The following ACAD9 variants were observed in gnomAD, a reference collection of about 807,000 sequenced individuals.
The protein encoded by ACAD9 is complex I assembly factor ACAD9, mitochondrial.
ACAD9 carries 53 observed loss-of-function variants against 70.2 expected under a neutral mutation model. The observed-to-expected ratio is 0.75, with a 90% confidence interval of 0.61 to 0.95. The LOEUF (loss-of-function observed/expected upper bound fraction) is 0.95, where lower values mean the gene tolerates loss of function less well. Among genes scored for constraint, ACAD9 ranks in the 40% least tolerant of loss-of-function variants. The probability of loss-of-function intolerance (pLI) is 0.00; values close to 1 mark genes in which losing one functional copy is unlikely to be tolerated. For synonymous variants in ACAD9, 313 were observed against 312.1 expected (o/e 1.00, Z -0.03); for missense variants, 777 against 802.8 (o/e 0.97, Z 0.39).
At chr3:128,880,456 G>T (rs1272093061) in intron 1 of ACAD9, among the ~76,000 whole-genome samples, 1 of 152,104 alleles carries the variant, frequency 6.6e-6, no homozygotes, top group Non-Finnish European at 1.5e-5. Flanking sequence ...TTGTCGCCCA[G>T]GCTGGAGTGC....
At chr3:128,903,967 C>G in intron 9 of ACAD9, 95 bp from the exon 10 acceptor site, 1 of 1,306,598 alleles carries the variant, frequency 7.7e-7, no homozygotes, top group Non-Finnish European at 1.1e-6. Context: ...CTCACAGTGC[C>G]CACCTGTGGG....
In ACAD9 at chr3:128,902,438, T is replaced by C. The variant is rs576825159; in HGVS notation, c.883-115T>C. On this transcript the variant is annotated intron_variant, in intron 8 of 17. Transcript: ENST00000308982. This position sits in a 1 kb window ranked among gnomAD's most constrained non-coding sequence, Gnocchi z 4.0. ...ACCACCTTGTTCTGAGGCATTAGGATGGTGCTTTCTCCCAGCTTGAGGGAA... is the reference window on the plus strand; with the variant it reads ...ACCACCTTGTTCTGAGGCATTAGGACGGTGCTTTCTCCCAGCTTGAGGGAA... 3 of 954,374 alleles carry C rather than the reference T, an allele frequency of 3.1e-6. No individual in the cohort carries two copies. The highest frequency in any genetic ancestry group is 5.1e-6 in the Non-Finnish European group (3 of 584,748). The allele number at this position is 954,374 out of a possible 1,614,324, so 59.1% of individuals were successfully genotyped here.
chr3:128,908,157 C>T, intron 12 of ACAD9, 28 bp from the exon 13 acceptor site: 1 of 1,611,458 alleles, frequency 6.2e-7, no homozygotes. Context: ...CGGGGGGCAG[C>T]CTTTGACCTC....
chr3:128,896,305 G>A (rs984143500), intron 4 of ACAD9, 131 bp from the exon 5 acceptor site: 10 of 1,004,852 alleles, frequency 1.0e-5, no homozygotes, highest in Admixed American at 2.0e-5. Flanking sequence ...GCCTGTGGCC[G>A]CTTGCTCTGA....
chr3:128,910,355 G>A (rs774669543), intron 16 of ACAD9: 2 of 1,466,586 alleles, frequency 1.4e-6, no homozygotes, highest in Non-Finnish European at 1.8e-6. Context: ...GGGGGTGAGT[G>A]ACAGGGGTTC....
Position 128,909,033 on chromosome 3 carries a change from C to G in ACAD9, c.1419C>G (p.Asp473Glu), listed in dbSNP as rs143991763. ...ATACCGTTGGCCGGAGGCTTCGGGA[C>G]TCCCTGGGCCGAACTGTGGACCTGG... ...VMDTVGRRLR[D>E]SLGRTVDLGL... The change falls in exon 14 of 18, where the codon GAC becomes GAG. Residue 473 changes from aspartate to glutamate, a missense_variant. Coordinates refer to ENST00000308982, the MANE Select transcript of ACAD9 (RefSeq NM_014049.5). 3.1e-6 allele frequency: 5 copies of G among 1,614,042 alleles called. No homozygotes were observed. In the African/African-American group the frequency reaches 6.7e-5, roughly 22 times the overall value.
intron 2 of ACAD9, among the ~76,000 whole-genome samples, chr3:128,885,616 C>G (rs950033014): frequency 3.9e-5 from 6 of 152,200 alleles, no homozygotes; most frequent in African/African-American, 1.4e-4. Context: ...CTGGTCTCTA[C>G]TCCTAGGCTC....
At chr3:128,910,421 T>C in intron 16 of ACAD9, 1 of 1,324,884 alleles carries the variant, frequency 7.5e-7, no homozygotes, top group East Asian at 2.5e-5. Flanking sequence ...TTGCCCGCTG[T>C]GCTGGAGGGA....
chr3:128,895,940 C>T (rs757531089), intron 4 of ACAD9, among the ~76,000 whole-genome samples: 11 of 152,212 alleles, frequency 7.2e-5, no homozygotes, highest in African/African-American at 1.2e-4. Context: ...CACATTCATG[C>T]AGATGTTTAG....
At chr3:128,893,849 T>C (rs546065319) in intron 3 of ACAD9, among the ~76,000 whole-genome samples, 193 bp downstream of exon 3, 37 of 152,322 alleles carry the variant, frequency 2.4e-4, no homozygotes, top group African/African-American at 7.9e-4. Flanking sequence ...CACAGAGGAA[T>C]GAGGCATGTG....
At chr3:128,897,572 C>T in intron 5 of ACAD9, 60 bp from the exon 6 acceptor site, 1 of 1,527,498 alleles carries the variant, frequency 6.5e-7, no homozygotes. Flanking sequence ...TTCAGGCCCT[C>T]AAAAGCATTC....
rs765999383 is a variant in ACAD9 at position 128,913,106 on chromosome 3, G to A, written c.*499G>A. 34 of 450,610 alleles carry A rather than the reference G, an allele frequency of 7.5e-5. No individual in the cohort carries two copies. The highest frequency in any genetic ancestry group is 3.4e-4 in the African/African-American group (17 of 50,064). The allele number at this position is 450,610 out of a possible 1,614,324, so 27.9% of individuals were successfully genotyped here. On this transcript the variant is annotated 3_prime_UTR_variant, in exon 18 of 18. Transcript: ENST00000308982. Reference sequence around the variant, plus strand: ...AAGAATATAAAATGTCACAATCTGTGTACTGTTAGCCTTTGCTGTACTTGT... The same window carrying A: ...AAGAATATAAAATGTCACAATCTGTATACTGTTAGCCTTTGCTGTACTTGT...
rs1384602511 is a variant in ACAD9 at position 128,910,423 on chromosome 3, C to T, written c.1692+274C>T. Reference sequence around the variant, plus strand: ...CAGACCCTGCACATTGCCCGCTGTGCTGGAGGGAGGCGGGTGCAGTCTCTG... The same window carrying T: ...CAGACCCTGCACATTGCCCGCTGTGTTGGAGGGAGGCGGGTGCAGTCTCTG... On this transcript the variant is annotated intron_variant, in intron 16 of 17. Coordinates refer to ENST00000308982, the MANE Select transcript of ACAD9 (RefSeq NM_014049.5). The T allele has an allele frequency of 6.8e-6, 9 of 1,324,438 alleles. No individual in the cohort carries two copies. The African/African-American group carries it at 1.2e-4, about 17-fold the overall frequency. 82.0% of individuals were successfully genotyped at this position (1,324,438 alleles called of 1,614,324 possible). A position where few individuals can be genotyped will look rare whatever the true frequency, so the allele number is the denominator to read the frequency against.
chr3:128,898,811 T>A (rs1177335220), intron 6 of ACAD9, among the ~76,000 whole-genome samples: 8 of 152,222 alleles, frequency 5.3e-5, no homozygotes, highest in African/African-American at 1.9e-4. Context: ...TGTTGCTGTT[T>A]GTTAAGGAGT....
chr3:128,890,717 G>C (rs1364957904), intron 2 of ACAD9, among the ~76,000 whole-genome samples: 1 of 151,888 alleles, frequency 6.6e-6, no homozygotes, highest in Non-Finnish European at 1.5e-5. Flanking sequence ...AAACTGTATA[G>C]TTTTAATTCA....
At chr3:128,881,067 C>G (rs998190416) in intron 1 of ACAD9, among the ~76,000 whole-genome samples, 1 of 152,170 alleles carries the variant, frequency 6.6e-6, no homozygotes, top group Non-Finnish European at 1.5e-5. Flanking sequence ...TGGAACGTTC[C>G]TCTGAGGTTG....
chr3:128,883,791 AAGC>A (rs1351507324), intron 1 of ACAD9, among the ~76,000 whole-genome samples: 2 of 152,132 alleles, frequency 1.3e-5, no homozygotes, highest in African/African-American at 4.8e-5. Context: ...AGAGAGGAGA[AAGC>A]AGTGCGAGCA....
At chr3:128,887,474 G>T (rs574195417) in intron 2 of ACAD9, among the ~76,000 whole-genome samples, 1 of 151,658 alleles carries the variant, frequency 6.6e-6, no homozygotes, top group Non-Finnish European at 1.5e-5. Context: ...GGGCATGGTG[G>T]TGCGCGCCCA....
At chr3:128,879,925 A>G (rs1559816037) in intron 1 of ACAD9, 84 bp downstream of exon 1, 2 of 1,605,776 alleles carry the variant, frequency 1.2e-6, no homozygotes, top group African/African-American at 2.7e-5. Context: ...ACTTTGTGAG[A>G]TTCCCCAAAC....
Sources: gnomAD v4.1 joint callset for allele counts (sites outside exome capture counted in the v4.1 genomes callset) on GRCh38, gnomAD v4.1.1 for gene constraint, Gnocchi (gnomAD v3.1) non-coding constraint, MANE v1.5 for transcripts, NCBI Gene and HGNC (gene_info 2026-07-23, HGNC 2026-07-21) for gene names.